CAMKK2: variants seen among roughly 807,000 people sequenced by gnomAD.
The protein encoded by CAMKK2 is calcium/calmodulin dependent protein kinase kinase 2.
CAMKK2 carries 30 observed loss-of-function variants against 67.2 expected under a neutral mutation model. The observed-to-expected ratio is 0.45, with a 90% CI of 0.33 to 0.61. CAMKK2 has a LOEUF of 0.61. CAMKK2 is among the 20% of genes least tolerant of loss of function. CAMKK2 has a pLI of 0.02. For missense variants in CAMKK2, 643 were observed against 802.0 expected (o/e 0.80, Z 2.39); for synonymous variants, 322 against 326.2 (o/e 0.99, Z 0.14).
intron 5 of CAMKK2, among the ~76,000 whole-genome samples, chr12:121,264,598 CA>C (rs1387337568): frequency 6.6e-6 from 1 of 151,982 alleles, no homozygotes; most frequent in Non-Finnish European, 1.5e-5. Context: ...CACAGTGAAA[CA>C]CTGTCTCGAC....
At chr12:121,262,096 A>C (rs1254636613) in intron 6 of CAMKK2, among the ~76,000 whole-genome samples, 1 of 152,252 alleles carries the variant, frequency 6.6e-6, no homozygotes, top group Non-Finnish European at 1.5e-5. Flanking sequence ...ATGTGATGTC[A>C]CAAAACATTG....
intron 2 of CAMKK2, among the ~76,000 whole-genome samples, chr12:121,271,761 G>T (rs1358610614): frequency 6.6e-6 from 1 of 151,862 alleles, no homozygotes; most frequent in Non-Finnish European, 1.5e-5. Context: ...AGGCTGGAGT[G>T]CAATGGCACA....
intron 7 of CAMKK2, 131 bp downstream of exon 7, chr12:121,260,188 C>T (rs1174850730): frequency 8.1e-6 from 6 of 739,406 alleles, no homozygotes; most frequent in Non-Finnish European, 1.3e-5. Flanking sequence ...TCCGGTGGGG[C>T]CAGCTGGACC....
In CAMKK2 at chr12:121,274,419, G is replaced by A; in HGVS notation, c.108C>T (p.Ala36=). The A allele has an allele frequency of 6.2e-7, 1 of 1,613,214 alleles. No homozygotes were observed. Among genetic ancestry groups the A allele is most frequent in the Non-Finnish European group, 8.5e-7 (1 of 1,179,954 alleles). ...TGCTCAAGGATGAGAGGCCCCGCAG[G>A]GCCTCACAGGGCTTCTGGCTTTCGC... ...SSSESQKPCE[A]LRGLSSLSIH... Residue 36 remains alanine, a synonymous_variant, in exon 2 of 17, where the codon GCC becomes GCT. Transcript: ENST00000404169.
At position 121,279,263 on chromosome 12, in the gene CAMKK2, G is replaced by A. The variant is rs146045027; in HGVS notation, c.-59-4678C>T. On this transcript the variant is annotated intron_variant, in intron 1 of 16. Transcript: ENST00000404169. ...GACAGCTCAGACCCCGGGCAGGGAC[G>A]TCGGCGCTGGCAGGGCAAGCGTGAA... Among the ~76,000 whole-genome samples, 272 of 152,312 alleles carry A rather than the reference G, an allele frequency of 1.8e-3. 1 individual carries two copies. Among genetic ancestry groups the A allele is most frequent in the South Asian group, 2.5e-3 (12 of 4,830 alleles).
intron 1 of CAMKK2, among the ~76,000 whole-genome samples, chr12:121,275,124 C>T (rs1327635064): frequency 6.6e-6 from 1 of 152,056 alleles, no homozygotes; most frequent in African/African-American, 2.4e-5. Context: ...TTGTTTTTCC[C>T]AAGAGAAGCC....
intron 6 of CAMKK2, 129 bp from the exon 7 acceptor site, chr12:121,260,484 G>T (rs773730025): frequency 1.2e-5 from 9 of 768,098 alleles, no homozygotes; most frequent in Non-Finnish European, 1.8e-5. Flanking sequence ...ATTTGGCAGC[G>T]TGTTTCCCAG....
intron 5 of CAMKK2, among the ~76,000 whole-genome samples, chr12:121,264,776 AAATAATAATAATAATAAT>A (rs57906202): frequency 2.1e-5 from 3 of 139,954 alleles, no homozygotes; most frequent in Non-Finnish European, 4.6e-5. Context: ...TCAGTCTCAA[AAATAATAATAATAATAAT>A]AATAATAATA....
intron 7 of CAMKK2, among the ~76,000 whole-genome samples, chr12:121,259,589 T>C (rs1028579797): frequency 6.6e-6 from 1 of 152,196 alleles, no homozygotes; most frequent in African/African-American, 2.4e-5. Context: ...TTGCCTACTA[T>C]GTTTATAATC....
At chr12:121,271,032 C>A in intron 2 of CAMKK2, 87 bp from the exon 3 acceptor site, 1 of 1,022,502 alleles carries the variant, frequency 9.8e-7, no homozygotes, top group South Asian at 1.3e-5. Context: ...ACAAGCCCTT[C>A]AGGAGACCAA....
rs755449965 is a variant in CAMKK2, at chr12:121,268,099, T to TATATATATATATATATATATATATATAC, written c.625+538_625+539insGTATATATATATATATATATATATATAT. On this transcript the variant is annotated intron_variant, in intron 5 of 16. Transcript: ENST00000404169. ...CATTGGATGCATATATATATATATA[T>TATATATATATATATATATATATATATAC]ACTCTATTCATATTACTTTTAATGG... 2.2e-3 allele frequency among the ~76,000 whole-genome samples: 320 copies of TATATATATATATATATATATATATATAC among 143,418 alleles called. 3 individuals carry two copies. Among genetic ancestry groups the TATATATATATATATATATATATATATAC allele is most frequent in the Middle Eastern group, 3.9e-3 (1 of 258 alleles). 94.1% of individuals were successfully genotyped at this position (143,418 alleles called of 152,430 possible).
rs200694005 is a variant in CAMKK2 at position 121,260,395 on chromosome 12, G to A, written c.760-40C>T. 175 of 1,596,112 alleles carry A rather than the reference G, an allele frequency of 1.1e-4. 5 individuals are homozygous for A. The South Asian group carries it at 1.6e-3, about 15-fold the overall frequency. On this transcript the variant is annotated intron_variant, in intron 6 of 16. Coordinates refer to ENST00000404169, the MANE Select transcript of CAMKK2 (RefSeq NM_001270485.2). ...ATGGAATAGGCAGGAGACGGATGGCGGGGGAGAAAAAGAGAGAATAGATAT... is the reference window on the plus strand; with the variant it reads ...ATGGAATAGGCAGGAGACGGATGGCAGGGGAGAAAAAGAGAGAATAGATAT...
chr12:121,276,900 GGT>G (rs1491262346), intron 1 of CAMKK2, among the ~76,000 whole-genome samples: 82 of 111,620 alleles, frequency 7.3e-4, no homozygotes, highest in African/African-American at 2.9e-3. Flanking sequence ...AAAAGGGCGG[GGT>G]GGGGGGGGGG....
At chr12:121,247,229 G>A (rs774226150) in intron 14 of CAMKK2, among the ~76,000 whole-genome samples, 4 of 152,010 alleles carry the variant, frequency 2.6e-5, no homozygotes, top group Non-Finnish European at 4.4e-5. Context: ...CATGTCCTGT[G>A]GTCCCTCTAC....
rs192867478 is a variant in CAMKK2 at position 121,240,654 on chromosome 12, C to G, written c.*45G>C. On this transcript the variant is annotated 3_prime_UTR_variant, in exon 17 of 17. Transcript: ENST00000404169. The surrounding 1 kb of genome is among the most constrained non-coding windows in gnomAD (Gnocchi z 4.4). ...TATGGAAACGCGGTGCAGCAGCCCCCCAGAGGCGACGCGGCGCGCATGCGA... is the reference window on the plus strand; with the variant it reads ...TATGGAAACGCGGTGCAGCAGCCCCGCAGAGGCGACGCGGCGCGCATGCGA... 7 of 1,549,344 alleles carry G rather than the reference C, an allele frequency of 4.5e-6. No individual in the cohort carries two copies. The African/African-American group carries it at 9.6e-5, about 21-fold the overall frequency.
chr12:121,248,542 C>G, intron 14 of CAMKK2, 64 bp downstream of exon 14: 2 of 1,604,716 alleles, frequency 1.2e-6, no homozygotes, highest in Non-Finnish European at 1.7e-6. Context: ...TCCGGCCTGT[C>G]CTGGCCAGGC....
In CAMKK2 at chr12:121,245,142, G is replaced by A; in HGVS notation, c.1551C>T (p.Leu517=). Residue 517 remains leucine (L), a splice_region_variant and synonymous_variant, in exon 15 of 17, where the codon CTC becomes CTT. Transcript: ENST00000404169. This position sits in a 1 kb window ranked among gnomAD's most constrained non-coding sequence, Gnocchi z 5.8. ...ERSLSAPGNL[L]TKKPTRECES... is the part of the protein sequence containing the mutation. Reference sequence around the variant, plus strand: ...CAAGAAGGCAGGCGGCCACTCACGTGAGCAAGTTTCCAGGCGCTGACAGTG... The same window carrying A: ...CAAGAAGGCAGGCGGCCACTCACGTAAGCAAGTTTCCAGGCGCTGACAGTG... 1 of 1,595,250 alleles carries A rather than the reference G, an allele frequency of 6.3e-7. No homozygotes were observed. Among genetic ancestry groups the A allele is most frequent in the Non-Finnish European group, 8.6e-7 (1 of 1,169,454 alleles).
At position 121,250,139 on chromosome 12, in the gene CAMKK2, A is replaced by G. The variant is rs1001049333; in HGVS notation, c.1162-105T>C. The G allele has an allele frequency of 2.7e-5, 24 of 886,276 alleles. No individual in the cohort carries two copies. In the Admixed American group the frequency reaches 3.4e-4, roughly 13 times the overall value. The allele number at this position is 886,276 out of a possible 1,614,324, so 54.9% of individuals were successfully genotyped here. A position where few individuals can be genotyped will look rare whatever the true frequency, so the allele number is the denominator to read the frequency against. ...CACATAGGATACAGCAGAGAAATCA[A>G]CAATTGCGGCCCAGGCTAGGGGGCA... On this transcript the variant is annotated intron_variant, in intron 11 of 16. Transcript: ENST00000404169.
intron 14 of CAMKK2, 82 bp downstream of exon 14, chr12:121,248,524 C>G: frequency 6.5e-7 from 1 of 1,548,138 alleles, no homozygotes; most frequent in South Asian, 1.2e-5. Context: ...CCCGGGCACC[C>G]GCCTGTGTCC....
Sources: allele counts gnomAD v4.1 joint callset (sites outside exome capture counted in the v4.1 genomes callset), GRCh38; gene constraint gnomAD v4.1.1; non-coding constraint Gnocchi (gnomAD v3.1); transcripts MANE v1.5; gene names NCBI Gene and HGNC (gene_info 2026-07-23, HGNC 2026-07-21).